GRIK2: variants seen among roughly 807,000 people sequenced by gnomAD.
GRIK2 encodes glutamate ionotropic receptor kainate type subunit 2, also known as glutamate receptor ionotropic, kainate 2.
Under a neutral mutation model 100.3 loss-of-function variants are expected in GRIK2, and 32 were observed. The observed-to-expected ratio is 0.32, with a 90% CI of 0.24 to 0.43. The LOEUF (loss-of-function observed/expected upper bound fraction) is 0.43, where lower values mean the gene tolerates loss of function less well. GRIK2 is among the 20% of genes least tolerant of loss of function. The pLI is 1.00. For synonymous variants in GRIK2, 417 were observed against 389.4 expected, an observed-to-expected ratio of 1.07 and a Z score of -0.83; for missense variants, 843 against 1,114.9, an observed-to-expected ratio of 0.76 and a Z score of 3.47.
At chr6:101,537,705 C>T (rs1775782934) in intron 2 of GRIK2, among the ~76,000 whole-genome samples, 1 of 151,676 alleles carries the variant, frequency 6.6e-6, no homozygotes, top group Admixed American at 6.6e-5. Flanking sequence ...ATTGAAGAAA[C>T]ATGACTAGAG....
intron 2 of GRIK2, among the ~76,000 whole-genome samples, chr6:101,521,028 G>A (rs1436124030): frequency 6.6e-6 from 1 of 152,034 alleles, no homozygotes; most frequent in Non-Finnish European, 1.5e-5. Context: ...AGAAGCAAAT[G>A]TGTAATATTT....
intron 14 of GRIK2, among the ~76,000 whole-genome samples, chr6:101,931,778 TA>T (rs1269589033): frequency 1.3e-5 from 2 of 152,144 alleles, no homozygotes; most frequent in Non-Finnish European, 2.9e-5. Context: ...TATTTTCATG[TA>T]AGCAATAGAA....
chr6:101,764,767 G>T (rs73761417), intron 7 of GRIK2, among the ~76,000 whole-genome samples: 5,610 of 152,070 alleles, frequency 0.037, 114 homozygotes, highest in African/African-American at 0.04. Flanking sequence ...CAATGTGTCT[G>T]TCATTCTCCC....
At chr6:101,746,602 C>A (rs1776433740) in intron 7 of GRIK2, among the ~76,000 whole-genome samples, 1 of 152,198 alleles carries the variant, frequency 6.6e-6, no homozygotes, top group Non-Finnish European at 1.5e-5. Flanking sequence ...GCTGGGATTA[C>A]AGGAGTTAGC....
chr6:101,941,646 C>T (rs9498759), intron 14 of GRIK2, among the ~76,000 whole-genome samples: 1 of 151,908 alleles, frequency 6.6e-6, no homozygotes, highest in South Asian at 2.1e-4. Context: ...ACAAAGAGAC[C>T]ATTTTTGGAT....
intron 7 of GRIK2, among the ~76,000 whole-genome samples, chr6:101,794,798 T>A (rs1257405304): frequency 6.6e-6 from 1 of 152,134 alleles, no homozygotes; most frequent in Non-Finnish European, 1.5e-5. Flanking sequence ...CTGGATTTTT[T>A]ATTTCTTGTG....
intron 9 of GRIK2, among the ~76,000 whole-genome samples, chr6:101,814,288 C>T (rs1403267242): frequency 6.6e-6 from 1 of 151,592 alleles, no homozygotes; most frequent in African/African-American, 2.4e-5. Context: ...TACTAAGGCA[C>T]TAATTATAAA....
At chr6:101,396,242 TCCC>T (rs112605796) in intron 1 of GRIK2, among the ~76,000 whole-genome samples, 169 of 132,340 alleles carry the variant, frequency 1.3e-3, no homozygotes, top group African/African-American at 4.3e-3. Context: ...AATTTAGCAT[TCCC>T]CCCCCCCCCA....
At chr6:101,749,479 A>G (rs1776644511) in intron 7 of GRIK2, among the ~76,000 whole-genome samples, 1 of 152,130 alleles carries the variant, frequency 6.6e-6, no homozygotes, top group Non-Finnish European at 1.5e-5. Context: ...GTCCACAGCC[A>G]TTATCCAGTT....
chr6:101,422,788 A>G (rs1278354178), intron 2 of GRIK2, among the ~76,000 whole-genome samples: 1 of 152,180 alleles, frequency 6.6e-6, no homozygotes, highest in African/African-American at 2.4e-5. Context: ...TATCATACAT[A>G]TATTTCCCCT....
At chr6:101,459,590 A>T (rs1771188815) in intron 2 of GRIK2, among the ~76,000 whole-genome samples, 1 of 152,168 alleles carries the variant, frequency 6.6e-6, no homozygotes, top group Admixed American at 6.5e-5. Context: ...AAACTAACAA[A>T]TAAATGAACA....
chr6:101,981,125 C>T (rs541566584), intron 14 of GRIK2, among the ~76,000 whole-genome samples: 2 of 151,884 alleles, frequency 1.3e-5, no homozygotes, highest in African/African-American at 4.8e-5. Flanking sequence ...CCCAGCCATG[C>T]CTGCCCAGAA....
chr6:101,898,685 C>T (rs1296894930), intron 12 of GRIK2, among the ~76,000 whole-genome samples: 1 of 151,564 alleles, frequency 6.6e-6, no homozygotes, highest in Non-Finnish European at 1.5e-5. Context: ...TAAAGCTAGT[C>T]TCTGGAAATG....
intron 7 of GRIK2, among the ~76,000 whole-genome samples, chr6:101,696,094 TAAAA>T (rs921853282): frequency 6.6e-6 from 1 of 152,028 alleles, no homozygotes; most frequent in Non-Finnish European, 1.5e-5. Flanking sequence ...ATTAAAATAT[TAAAA>T]AACAAATGAC....
chr6:101,596,584 T>C (rs1203834454), intron 2 of GRIK2, among the ~76,000 whole-genome samples: 2 of 151,736 alleles, frequency 1.3e-5, no homozygotes, highest in Non-Finnish European at 2.9e-5. Context: ...TTGGTGTCTA[T>C]GGGAAGTGGG....
chr6:101,881,290 A>G (rs968449373), intron 11 of GRIK2, among the ~76,000 whole-genome samples: 3 of 151,900 alleles, frequency 2.0e-5, no homozygotes, highest in Non-Finnish European at 4.4e-5. Context: ...TATTTTATAT[A>G]TAGGTAATTA....
chr6:101,576,960 TTA>T (rs1420151648), intron 2 of GRIK2, among the ~76,000 whole-genome samples: 1 of 152,060 alleles, frequency 6.6e-6, no homozygotes, highest in African/African-American at 2.4e-5. Context: ...CATCATGTTT[TTA>T]TATCTCGTAA....
intron 12 of GRIK2, among the ~76,000 whole-genome samples, chr6:101,901,344 T>C (rs1787834822): frequency 6.6e-6 from 1 of 152,016 alleles, no homozygotes; most frequent in Admixed American, 6.6e-5. Context: ...AGCCATTGTA[T>C]ATTAAAAAAT....
intron 15 of GRIK2, among the ~76,000 whole-genome samples, chr6:102,038,678 A>G (rs1770409245): frequency 6.6e-6 from 1 of 150,744 alleles, no homozygotes. Flanking sequence ...GAATTCATTA[A>G]GGTGTGAAAA....
Sources: gnomAD v4.1 joint callset for allele counts (sites outside exome capture counted in the v4.1 genomes callset) on GRCh38, gnomAD v4.1.1 for gene constraint, MANE v1.5 for transcripts, NCBI Gene and HGNC (gene_info 2026-07-23, HGNC 2026-07-21) for gene names.